The following ICA1 variants were observed in gnomAD, a reference collection of about 807,000 sequenced individuals.
ICA1 encodes the protein islet cell autoantigen 1.
Under a neutral mutation model 71.0 loss-of-function variants are expected in ICA1, and 40 were observed. That is an observed-to-expected ratio of 0.56 (90% CI 0.44 to 0.73). The LOEUF (loss-of-function observed/expected upper bound fraction) is 0.73. Ranked by LOEUF, ICA1 falls within the 30% of genes least tolerant of loss-of-function variation. The probability of loss-of-function intolerance (pLI) is 0.00; values close to 1 mark genes in which losing one functional copy is unlikely to be tolerated. For missense variants in ICA1, 578 were observed against 576.5 expected (o/e 1.00, Z -0.03); for synonymous variants, 207 against 209.5 (o/e 0.99, Z 0.10).
At chr7:8,175,056 T>C (rs967002735) in intron 6 of ICA1, among the ~76,000 whole-genome samples, 1 of 152,130 alleles carries the variant, frequency 6.6e-6, no homozygotes, top group Non-Finnish European at 1.5e-5. Flanking sequence ...GATCATCTCA[T>C]GTGCTTGTCA....
At chr7:8,194,630 C>T (rs1427507806) in intron 6 of ICA1, among the ~76,000 whole-genome samples, 3 of 152,162 alleles carry the variant, frequency 2.0e-5, no homozygotes, top group Non-Finnish European at 2.9e-5. Context: ...GGGGAATTTT[C>T]TAAAATACGG....
At chr7:8,203,681 T>C (rs1005244340) in intron 6 of ICA1, among the ~76,000 whole-genome samples, 5 of 152,122 alleles carry the variant, frequency 3.3e-5, no homozygotes, top group African/African-American at 1.2e-4. Flanking sequence ...TCAGAGTGAG[T>C]TGAGATGTTC....
In ICA1 at chr7:8,141,055, G is replaced by A. The variant is rs149629403; in HGVS notation, c.955+710C>T. Among the ~76,000 whole-genome samples the A allele has an allele frequency of 6.1e-3, 926 of 152,316 alleles. 9 individuals are homozygous for A. Among genetic ancestry groups the A allele is most frequent in the Admixed American group, 0.011 (175 of 15,302 alleles). On this transcript the variant is annotated intron_variant, in intron 10 of 13. Coordinates refer to ENST00000402384, the MANE Select transcript of ICA1 (RefSeq NM_001136020.3). ...CTGTAAAACATTCCCCCGCATCTCCGAGGAGCTTGAGTGCCAGTGAAGTGC... is the reference window on the plus strand; with the variant it reads ...CTGTAAAACATTCCCCCGCATCTCCAAGGAGCTTGAGTGCCAGTGAAGTGC...
chr7:8,121,373 A>G (rs1216766168), intron 13 of ICA1, among the ~76,000 whole-genome samples: 2 of 152,218 alleles, frequency 1.3e-5, no homozygotes, highest in Non-Finnish European at 2.9e-5. Flanking sequence ...AGCAACATAA[A>G]TATGGGACCT....
At chr7:8,208,842 A>G (rs1216276289) in intron 6 of ICA1, among the ~76,000 whole-genome samples, 2 of 152,194 alleles carry the variant, frequency 1.3e-5, no homozygotes, top group African/African-American at 4.8e-5. Flanking sequence ...CTGACCCTGC[A>G]GCCAAAAGCA....
chr7:8,179,299 A>G (rs1781499525), intron 6 of ICA1, among the ~76,000 whole-genome samples: 1 of 152,166 alleles, frequency 6.6e-6, no homozygotes, highest in African/African-American at 2.4e-5. Context: ...TATCCTACCC[A>G]GTGTGGGGAA....
At position 8,249,218 on chromosome 7, in the gene ICA1, C is replaced by T. The variant is rs1014601361; in HGVS notation, c.-80+12876G>A. On this transcript the variant is annotated intron_variant, in intron 1 of 13. Transcript: ENST00000402384. ...AGAGGCACAATGCTGGCTTCCCACA[C>T]AGCCTCTGGGCTGAGTCTCTAAGAC... Among the ~76,000 whole-genome samples, 3 of 152,260 alleles carry T rather than the reference C, an allele frequency of 2.0e-5. No homozygotes were observed. The East Asian group carries it at 5.8e-4, about 29-fold the overall frequency.
intron 13 of ICA1, among the ~76,000 whole-genome samples, chr7:8,117,185 C>T (rs1785078544): frequency 1.3e-5 from 2 of 152,206 alleles, no homozygotes; most frequent in Admixed American, 1.3e-4. Context: ...TTTCCTGAGG[C>T]CTCCCCAGTC....
intron 1 of ICA1, among the ~76,000 whole-genome samples, chr7:8,255,100 T>C (rs1809606780): frequency 6.6e-6 from 1 of 152,190 alleles, no homozygotes; most frequent in Non-Finnish European, 1.5e-5. Context: ...CTCTTACCCC[T>C]GCCCACCTTA....
chr7:8,154,525 A>G (rs934727786), intron 8 of ICA1, among the ~76,000 whole-genome samples: 4 of 152,226 alleles, frequency 2.6e-5, no homozygotes, highest in African/African-American at 9.6e-5. Flanking sequence ...GAGCTTGGCA[A>G]CCCTCTCTAA....
chr7:8,169,823 TA>T (rs1807581575), intron 6 of ICA1, among the ~76,000 whole-genome samples: 1 of 151,882 alleles, frequency 6.6e-6, no homozygotes, highest in Admixed American at 6.6e-5. Flanking sequence ...CCTTTTGAAA[TA>T]AAAACGTTTT....
chr7:8,251,623 G>A (rs1382923053), intron 1 of ICA1, among the ~76,000 whole-genome samples: 1 of 151,804 alleles, frequency 6.6e-6, no homozygotes, highest in Non-Finnish European at 1.5e-5. Flanking sequence ...TAAAGGTCAA[G>A]TTCACATAGA....
chr7:8,165,066 G>A (rs1470913332), intron 6 of ICA1, among the ~76,000 whole-genome samples: 1 of 152,154 alleles, frequency 6.6e-6, no homozygotes, highest in African/African-American at 2.4e-5. Context: ...CTGGGTGACA[G>A]TAAGACCCTG....
chr7:8,203,624 C>A (rs995004035), intron 6 of ICA1, among the ~76,000 whole-genome samples: 124 of 152,308 alleles, frequency 8.1e-4, no homozygotes, highest in African/African-American at 2.7e-3. Context: ...ATCCAACTTG[C>A]TTCTCAGAGG....
chr7:8,219,296 T>A (rs1796326602), intron 5 of ICA1, among the ~76,000 whole-genome samples: 1 of 152,238 alleles, frequency 6.6e-6, no homozygotes, highest in African/African-American at 2.4e-5. Flanking sequence ...TGAATTATAC[T>A]CTTAAAATAT....
rs942250154 is a variant in ICA1 at position 8,128,003 on chromosome 7, G to A, written c.1200C>T (p.Asp400=). The A allele has an allele frequency of 1.4e-5, 23 of 1,614,060 alleles. No individual in the cohort carries two copies. The highest frequency in any genetic ancestry group is 2.7e-5 in the African/African-American group (2 of 74,910). The change falls in exon 13 of 14, where the codon GAC becomes GAT. Residue 400 remains aspartate (D), a synonymous_variant. Coordinates refer to ENST00000402384, the MANE Select transcript of ICA1 (RefSeq NM_001136020.3). The part of the protein sequence containing the change: ...FSKEWAAVFG[D]GQVKEPVPTM... Reference sequence around the variant, plus strand: ...TGGGCACTGGCTCCTTCACTTGGCCGTCTCCAAACACAGCGGCCCACTCTT... The same window carrying A: ...TGGGCACTGGCTCCTTCACTTGGCCATCTCCAAACACAGCGGCCCACTCTT...
chr7:8,156,403 G>C (rs1801519512), intron 8 of ICA1, among the ~76,000 whole-genome samples: 1 of 152,160 alleles, frequency 6.6e-6, no homozygotes, highest in Non-Finnish European at 1.5e-5. Context: ...TGGCAATGAA[G>C]TACCCACTGT....
Position 8,141,756 on chromosome 7 carries a change from A to T in ICA1, c.955+9T>A. On this transcript the variant is annotated intron_variant, in intron 10 of 13. Coordinates refer to ENST00000402384, the MANE Select transcript of ICA1 (RefSeq NM_001136020.3). ...TCAGAAGCAATTCTAAATAAAAATC[A>T]AAACTTACTCTTAAAACTAGAGGAT... 2.0e-6 allele frequency: 3 copies of T among 1,513,440 alleles called. No homozygotes were observed. Among genetic ancestry groups the T allele is most frequent in the Non-Finnish European group, 2.7e-6 (3 of 1,103,340 alleles). 93.8% of individuals were successfully genotyped at this position (1,513,440 alleles called of 1,614,324 possible). A position where few individuals can be genotyped will look rare whatever the true frequency, so the allele number is the denominator to read the frequency against.
At chr7:8,182,641 T>A (rs960724808) in intron 6 of ICA1, among the ~76,000 whole-genome samples, 9 of 152,084 alleles carry the variant, frequency 5.9e-5, no homozygotes, top group African/African-American at 2.2e-4. Context: ...AAACATAAAA[T>A]AAAAAAATTA....
Sources: gnomAD v4.1 joint callset for allele counts (sites outside exome capture counted in the v4.1 genomes callset) on GRCh38, gnomAD v4.1.1 for gene constraint, MANE v1.5 for transcripts, NCBI Gene and HGNC (gene_info 2026-07-23, HGNC 2026-07-21) for gene names.